PCYOX1: variants seen among roughly 807,000 people sequenced by gnomAD.
PCYOX1 encodes prenylcysteine oxidase 1.
PCYOX1 carries 46 observed loss-of-function variants against 46.4 expected under a neutral mutation model. The ratio of observed to expected loss-of-function variants is 0.99; its 90% confidence interval spans 0.78 to 1.27. The LOEUF (loss-of-function observed/expected upper bound fraction) is 1.27, where lower values mean the gene tolerates loss of function less well. Among genes scored for constraint, PCYOX1 ranks in the 50% most tolerant of loss-of-function variants. PCYOX1 has a pLI of 0.00. For synonymous variants in PCYOX1, 220 were observed against 231.8 expected (o/e 0.95, Z 0.46); for missense variants, 658 against 628.3 (o/e 1.05, Z -0.51).
chr2:70,276,317 CTG>C (rs1696671068), intron 5 of PCYOX1, among the ~76,000 whole-genome samples: 3 of 151,860 alleles, frequency 2.0e-5, no homozygotes, highest in African/African-American at 7.2e-5. Flanking sequence ...CTATAGGCGC[CTG>C]CCTCAGCGTC....
chr2:70,270,006 T>A (rs1162033434), intron 3 of PCYOX1, among the ~76,000 whole-genome samples: 1 of 152,138 alleles, frequency 6.6e-6, no homozygotes, highest in African/African-American at 2.4e-5. Context: ...TCTTTCTTTC[T>A]TTCTTTCGAC....
intron 3 of PCYOX1, among the ~76,000 whole-genome samples, chr2:70,273,507 G>C (rs1696629874): frequency 6.6e-6 from 1 of 152,146 alleles, no homozygotes; most frequent in Non-Finnish European, 1.5e-5. Flanking sequence ...CATTTTGAGA[G>C]AAAAACTTGA....
intron 3 of PCYOX1, among the ~76,000 whole-genome samples, chr2:70,265,545 C>G (rs1188134124): frequency 6.6e-6 from 1 of 152,142 alleles, no homozygotes; most frequent in Non-Finnish European, 1.5e-5. Flanking sequence ...TTCAGCAAAG[C>G]ATTTCCTTAA....
At chr2:70,267,266 G>A (rs1014168234) in intron 3 of PCYOX1, among the ~76,000 whole-genome samples, 2 of 151,812 alleles carry the variant, frequency 1.3e-5, no homozygotes, top group East Asian at 1.9e-4. Context: ...CTTCCTAGAC[G>A]GGATGACGGC....
At position 70,275,443 on chromosome 2, in the gene PCYOX1, G is replaced by A. The variant is rs1173675516; in HGVS notation, c.707-71G>A. 6.8e-6 allele frequency: 10 copies of A among 1,468,550 alleles called. 1 individual carries two copies. The highest frequency in any genetic ancestry group is 1.8e-5 in the Admixed American group (1 of 56,196). The allele number at this position is 1,468,550 out of a possible 1,614,324, so 91.0% of individuals were successfully genotyped here. On this transcript the variant is annotated intron_variant, in intron 4 of 5. Transcript: ENST00000433351. ...ACATTTGGAGTAGAACATGTAATTG[G>A]GAAGGGAGAGTGGGTAGAGAGCCTC...
chr2:70,275,566 C>T lies in PCYOX1; in HGVS notation c.759C>T (p.Gly253=), dbSNP rs1250127927. 2 of 1,613,884 alleles carry T rather than the reference C, an allele frequency of 1.2e-6. No individual in the cohort carries two copies. The highest frequency in any genetic ancestry group is 3.3e-5 in the Admixed American group (2 of 59,990). ...SDSGLWAVEG[G]NKLVCSGLLQ... ...CTGGCCTTTGGGCAGTAGAAGGTGGCAATAAACTTGTTTGCTCAGGGCTTC... is the reference window on the plus strand; with the variant it reads ...CTGGCCTTTGGGCAGTAGAAGGTGGTAATAAACTTGTTTGCTCAGGGCTTC... Residue 253 remains glycine (G), a synonymous_variant, in exon 5 of 6, where the codon GGC becomes GGT. Transcript: ENST00000433351.
chr2:70,272,516 T>G (rs1696616337), intron 3 of PCYOX1, among the ~76,000 whole-genome samples: 1 of 152,076 alleles, frequency 6.6e-6, no homozygotes. Flanking sequence ...CCTGTCTTAC[T>G]CTGTCACCCA....
At chr2:70,260,800 C>T (rs1386730127) in intron 2 of PCYOX1, among the ~76,000 whole-genome samples, 1 of 152,196 alleles carries the variant, frequency 6.6e-6, no homozygotes, top group African/African-American at 2.4e-5. Flanking sequence ...TCCACATCCT[C>T]TGTAGATGCT....
At chr2:70,272,500 T>TATCC (rs1163861358) in intron 3 of PCYOX1, among the ~76,000 whole-genome samples, 1 of 152,022 alleles carries the variant, frequency 6.6e-6, no homozygotes, top group African/African-American at 2.4e-5. Context: ...GGCCTCAAGG[T>TATCC]ATCCTCCTGT....
chr2:70,275,430 GA>G, intron 4 of PCYOX1, 83 bp from the exon 5 acceptor site: 1 of 1,381,346 alleles, frequency 7.2e-7, no homozygotes. Flanking sequence ...ATTTGGAGTA[GA>G]ACATGTAATT....
At chr2:70,276,017 A>G (rs1307511238) in intron 5 of PCYOX1, among the ~76,000 whole-genome samples, 2 of 149,680 alleles carry the variant, frequency 1.3e-5, no homozygotes, top group Middle Eastern at 3.4e-3. Context: ...GGAGAATCAC[A>G]TGAACCCAGG....
chr2:70,271,341 A>C (rs2104897129), intron 3 of PCYOX1, among the ~76,000 whole-genome samples: 1 of 150,430 alleles, frequency 6.6e-6, no homozygotes, highest in South Asian at 2.1e-4. Context: ...CATCTTTAAC[A>C]TAGCTACTGC....
At chr2:70,274,572 T>C (rs1186018400) in intron 3 of PCYOX1, among the ~76,000 whole-genome samples, 1 of 149,878 alleles carries the variant, frequency 6.7e-6, no homozygotes, top group African/African-American at 2.4e-5. Context: ...TTTTTTCTTT[T>C]TTTTTTTTTA....
Position 70,273,419 on chromosome 2 carries a change from TATACTA to T in PCYOX1, c.495-1539_495-1534del, listed in dbSNP as rs561699219. On this transcript the variant is annotated intron_variant, in intron 3 of 5. Coordinates refer to ENST00000433351, the MANE Select transcript of PCYOX1 (RefSeq NM_016297.4). ...AAATGTGTTTAACATTTTGTACACT[TATACTA>T]CTACTATGCTTTTAGTAGGTAATAC... Among the ~76,000 whole-genome samples, 18 of 152,338 alleles carry T rather than the reference TATACTA, an allele frequency of 1.2e-4. No individual in the cohort carries two copies. In the East Asian group the frequency reaches 3.5e-3, roughly 29 times the overall value.
intron 3 of PCYOX1, among the ~76,000 whole-genome samples, chr2:70,261,894 T>C (rs1696445891): frequency 6.6e-6 from 1 of 152,218 alleles, no homozygotes; most frequent in Non-Finnish European, 1.5e-5. Flanking sequence ...TTAAATGGCC[T>C]TTAATAGTGA....
At position 70,258,230 on chromosome 2, in the gene PCYOX1, C is replaced by T; in HGVS notation, c.66C>T (p.Cys22=). The T allele has an allele frequency of 6.3e-7, 1 of 1,596,372 alleles. No homozygotes were observed. ...GGTTGTGGCTGTTGCTGTGCAGCTG[C>T]GGATGCCCCGAGGGCGCCGAGCTGC... is the stretch of plus-strand genomic sequence containing the variant. ...LLGLWLLLCS[C]GCPEGAELRA... Residue 22 remains cysteine (C), a synonymous_variant, in exon 1 of 6, where the codon TGC becomes TGT. Transcript: ENST00000433351.
Position 70,276,974 on chromosome 2 carries a change from T to G in PCYOX1, c.1100T>G (p.Leu367Arg), listed in dbSNP as rs1038568126. Residue 367 changes from leucine (L) to arginine (R), a missense_variant, in exon 6 of 6, where the codon CTT becomes CGT. Physicochemically the swap from Leu to Arg is moderately radical, Grantham distance 102. Transcript: ENST00000433351. ...TCTAGACCCATAGATAAATTTGGCC[T>G]TAATACAGTTTTAACCACTGATAAT... ...FSSRPIDKFG[L>R]NTVLTTDNSD... 1 of 1,613,856 alleles carries G rather than the reference T, an allele frequency of 6.2e-7. No individual in the cohort carries two copies. Among genetic ancestry groups the G allele is most frequent in the African/African-American group, 1.3e-5 (1 of 74,942 alleles).
chr2:70,267,506 CACTG>C (rs1696543567), intron 3 of PCYOX1, among the ~76,000 whole-genome samples: 1 of 152,082 alleles, frequency 6.6e-6, no homozygotes, highest in Non-Finnish European at 1.5e-5. Context: ...CAACATTGAG[CACTG>C]AGTGAGCGAC....
At chr2:70,259,858 C>G (rs1258305605) in intron 2 of PCYOX1, among the ~76,000 whole-genome samples, 2 of 152,092 alleles carry the variant, frequency 1.3e-5, no homozygotes, top group African/African-American at 4.8e-5. Context: ...TCTTGTCGCT[C>G]AGGCTGGAGT....
Sources: gnomAD v4.1 joint callset for allele counts (sites outside exome capture counted in the v4.1 genomes callset) on GRCh38, gnomAD v4.1.1 for gene constraint, MANE v1.5 for transcripts, NCBI Gene and HGNC (gene_info 2026-07-23, HGNC 2026-07-21) for gene names.